CYP19A1: variants seen among roughly 807,000 people sequenced by gnomAD.
CYP19A1 encodes aromatase.
Under a neutral mutation model 44.4 loss-of-function variants are expected in CYP19A1, and 32 were observed. That is an observed-to-expected ratio of 0.72 (90% CI 0.54 to 0.97). The LOEUF (loss-of-function observed/expected upper bound fraction) is 0.97. Among genes scored for constraint, CYP19A1 ranks in the 50% least tolerant of loss-of-function variants. The probability of loss-of-function intolerance (pLI) is 0.00; values close to 1 mark genes in which losing one functional copy is unlikely to be tolerated. For synonymous variants in CYP19A1, 212 were observed against 215.6 expected (o/e 0.98, Z 0.14); for missense variants, 598 against 637.8 (o/e 0.94, Z 0.67).
At chr15:51,226,078 G>C (rs1370161736) in intron 4 of CYP19A1, among the ~76,000 whole-genome samples, 2 of 95,490 alleles carry the variant, frequency 2.1e-5, no homozygotes, top group East Asian at 7.1e-4. Context: ...GACAGAGCAA[G>C]ACTCTGTCTC....
At chr15:51,306,237 G>A (rs960047818) in intron 1 of CYP19A1, among the ~76,000 whole-genome samples, 4 of 152,140 alleles carry the variant, frequency 2.6e-5, no homozygotes, top group African/African-American at 9.7e-5. Flanking sequence ...GTACACACTC[G>A]GGTACACACA....
chr15:51,269,168 A>G (rs1012738894), intron 1 of CYP19A1, among the ~76,000 whole-genome samples: 11 of 152,142 alleles, frequency 7.2e-5, no homozygotes, highest in African/African-American at 2.7e-4. Flanking sequence ...ATGTAGGTCT[A>G]TGATCCATTT....
intron 1 of CYP19A1, among the ~76,000 whole-genome samples, chr15:51,329,356 G>T (rs1410574889): frequency 6.6e-6 from 1 of 152,172 alleles, no homozygotes; most frequent in African/African-American, 2.4e-5. Context: ...AGGGGCAGGA[G>T]ACACTAAAAA....
intron 1 of CYP19A1, among the ~76,000 whole-genome samples, chr15:51,319,811 C>T (rs889723028): frequency 6.6e-6 from 1 of 152,192 alleles, no homozygotes; most frequent in Admixed American, 6.5e-5. Flanking sequence ...AGGCTGGGCT[C>T]CAGATCCAGC....
intron 1 of CYP19A1, among the ~76,000 whole-genome samples, chr15:51,258,704 A>T (rs750822193): frequency 6.6e-6 from 1 of 152,194 alleles, no homozygotes; most frequent in Non-Finnish European, 1.5e-5. Context: ...CTCTGGAAGA[A>T]CTAACAGAGG....
intron 1 of CYP19A1, among the ~76,000 whole-genome samples, chr15:51,287,272 C>T (rs1344142087): frequency 6.6e-6 from 1 of 152,138 alleles, no homozygotes; most frequent in African/African-American, 2.4e-5. Flanking sequence ...AAAAAACAAC[C>T]GAGGCTCCTC....
At chr15:51,294,902 T>C (rs113612430) in intron 1 of CYP19A1, among the ~76,000 whole-genome samples, 3,651 of 151,478 alleles carry the variant, frequency 0.024, 133 homozygotes, top group East Asian at 0.14. Context: ...GGGGAAAAGA[T>C]TGAGAAATAG....
chr15:51,316,439 T>A (rs1370685730), intron 1 of CYP19A1, among the ~76,000 whole-genome samples: 2 of 152,202 alleles, frequency 1.3e-5, no homozygotes, highest in African/African-American at 2.4e-5. Flanking sequence ...GAGTTAAGTG[T>A]TTTGTAATAA....
At chr15:51,335,924 G>T (rs978087550) in intron 1 of CYP19A1, among the ~76,000 whole-genome samples, 1 of 152,164 alleles carries the variant, frequency 6.6e-6, no homozygotes, top group African/African-American at 2.4e-5. Context: ...GCACCGCATT[G>T]GCTTCTTACG....
At chr15:51,235,587 C>CA (rs1453384806) in intron 3 of CYP19A1, among the ~76,000 whole-genome samples, 1 of 152,076 alleles carries the variant, frequency 6.6e-6, no homozygotes, top group South Asian at 2.1e-4. Context: ...AATCCCAGGT[C>CA]AAAAAAATTC....
At chr15:51,282,674 C>A (rs1203524964) in intron 1 of CYP19A1, among the ~76,000 whole-genome samples, 2 of 152,186 alleles carry the variant, frequency 1.3e-5, no homozygotes, top group African/African-American at 2.4e-5. Flanking sequence ...GGTGTTGGAT[C>A]TGATCACCCC....
chr15:51,263,957 A>G (rs1340433433), intron 1 of CYP19A1, among the ~76,000 whole-genome samples: 3 of 152,220 alleles, frequency 2.0e-5, no homozygotes, highest in Non-Finnish European at 4.4e-5. Context: ...TGTTCAGGCA[A>G]CAGGCATGAG....
chr15:51,288,849 C>T (rs1005165794), intron 1 of CYP19A1, among the ~76,000 whole-genome samples: 2 of 152,190 alleles, frequency 1.3e-5, no homozygotes, highest in Non-Finnish European at 2.9e-5. Context: ...CGGCCCCACC[C>T]ATAGCGACTA....
At chr15:51,241,792 A>G (rs2033784639) in intron 2 of CYP19A1, among the ~76,000 whole-genome samples, 1 of 152,184 alleles carries the variant, frequency 6.6e-6, no homozygotes, top group Non-Finnish European at 1.5e-5. Flanking sequence ...ATCAGGCTGA[A>G]TCAGGCAGAG....
At chr15:51,231,829 G>A (rs1307539643) in intron 3 of CYP19A1, among the ~76,000 whole-genome samples, 1 of 151,942 alleles carries the variant, frequency 6.6e-6, no homozygotes, top group Non-Finnish European at 1.5e-5. Flanking sequence ...CAAGAAAGTG[G>A]AAGCAACTAC....
intron 1 of CYP19A1, among the ~76,000 whole-genome samples, chr15:51,329,788 G>C: frequency 6.6e-6 from 1 of 152,234 alleles, no homozygotes; most frequent in South Asian, 2.1e-4. Flanking sequence ...AGGTATGCAT[G>C]AGGTTCTGGG....
intron 1 of CYP19A1, among the ~76,000 whole-genome samples, chr15:51,282,094 G>T (rs2035537800): frequency 6.6e-6 from 1 of 151,788 alleles, no homozygotes; most frequent in Non-Finnish European, 1.5e-5. Context: ...CCTCTGGAAT[G>T]AGAAGAACTG....
At chr15:51,211,151 ACT>A in intron 9 of CYP19A1, 95 bp from the exon 10 acceptor site, 4 of 846,906 alleles carry the variant, frequency 4.7e-6, no homozygotes, top group Non-Finnish European at 8.1e-6. Flanking sequence ...CAGTCAGAAC[ACT>A]GTTTTGGGGT....
At chr15:51,292,701 A>G (rs1261058503) in intron 1 of CYP19A1, among the ~76,000 whole-genome samples, 2 of 152,168 alleles carry the variant, frequency 1.3e-5, no homozygotes, top group East Asian at 3.8e-4. Context: ...CTTTGTATCC[A>G]TCCAGATGGG....
Sources: gnomAD v4.1 joint callset for allele counts (sites outside exome capture counted in the v4.1 genomes callset) on GRCh38, gnomAD v4.1.1 for gene constraint, MANE v1.5 for transcripts, NCBI Gene and HGNC (gene_info 2026-07-23, HGNC 2026-07-21) for gene names.